PBRM1: variants seen among roughly 807,000 people sequenced by gnomAD.
PBRM1 encodes polybromo 1, also known as protein polybromo-1.
Under a neutral mutation model 194.5 loss-of-function variants are expected in PBRM1, and 27 were observed. The observed-to-expected ratio is 0.14, with a 90% CI of 0.10 to 0.19. The LOEUF (loss-of-function observed/expected upper bound fraction) is 0.19. Ranked by LOEUF, PBRM1 falls within the 10% of genes least tolerant of loss-of-function variation. The pLI is 1.00. For synonymous variants in PBRM1, 655 were observed against 693.2 expected, an observed-to-expected ratio of 0.94 and a Z score of 0.87; for missense variants, 1,466 against 2,077.2, an observed-to-expected ratio of 0.71 and a Z score of 5.72.
chr3:52,627,457 T>G (rs566343584), intron 12 of PBRM1, 87 bp from the exon 14 acceptor site: 4 of 739,080 alleles, frequency 5.4e-6, no homozygotes, highest in Non-Finnish European at 9.3e-6. Context: ...ACATATCAGA[T>G]TCACTCAGAA....
exon 23 of PBRM1, chr3:52,564,070 ATCT>A (rs1196798326): frequency 6.2e-7 from 1 of 1,608,744 alleles, no homozygotes; most frequent in Non-Finnish European, 8.5e-7. Flanking sequence ...AAATTTCATC[ATCT>A]ACCACTTTAG....
At chr3:52,652,782 G>A (rs540807637) in intron 5 of PBRM1, among the ~76,000 whole-genome samples, 1 of 152,208 alleles carries the variant, frequency 6.6e-6, no homozygotes, top group South Asian at 2.1e-4. Flanking sequence ...TGGATCACTT[G>A]AGGTCAGAAG....
intron 11 of PBRM1, among the ~76,000 whole-genome samples, chr3:52,632,082 T>C (rs1449773803): frequency 6.6e-6 from 1 of 152,254 alleles, no homozygotes; most frequent in Non-Finnish European, 1.5e-5. Flanking sequence ...TGAATGCTGC[T>C]GCTGTGAACA....
chr3:52,585,182 T>C (rs1349763225), intron 20 of PBRM1, among the ~76,000 whole-genome samples: 1 of 152,212 alleles, frequency 6.6e-6, no homozygotes. Context: ...AAGACTGAGT[T>C]GCAGTTTTTT....
intron 20 of PBRM1, among the ~76,000 whole-genome samples, chr3:52,584,464 T>C: frequency 7.1e-6 from 1 of 140,468 alleles, no homozygotes; most frequent in East Asian, 2.0e-4. Context: ...TTTTTTTTTT[T>C]TTTTTTTTTT....
At chr3:52,610,918 G>A (rs879942607) in intron 15 of PBRM1, among the ~76,000 whole-genome samples, 52 of 152,226 alleles carry the variant, frequency 3.4e-4, no homozygotes, top group Admixed American at 2.9e-3. Flanking sequence ...TAGCCTGGGC[G>A]ACAGAGCGAG....
At chr3:52,672,222 C>T (rs115665536) in intron 2 of PBRM1, among the ~76,000 whole-genome samples, 133 of 152,292 alleles carry the variant, frequency 8.7e-4, no homozygotes, top group Middle Eastern at 3.4e-3. Context: ...AGCACTACAG[C>T]ATCTTCAAAT....
chr3:52,682,953 G>C (rs1190784847), upstream of PBRM1, among the ~76,000 whole-genome samples: 1 of 151,904 alleles, frequency 6.6e-6, no homozygotes, highest in Non-Finnish European at 1.5e-5. Context: ...TAATCCCAGC[G>C]CTTTGGGAGG....
chr3:52,668,501 A>G (rs2096884534), exon 3 of PBRM1: 8 of 1,594,312 alleles, frequency 5.0e-6, no homozygotes, highest in Non-Finnish European at 6.8e-6. Flanking sequence ...TTCTTACCTT[A>G]TAATAGGACT....
chr3:52,639,722 C>T (rs1305690362), intron 10 of PBRM1, among the ~76,000 whole-genome samples: 1 of 151,832 alleles, frequency 6.6e-6, no homozygotes, highest in Non-Finnish European at 1.5e-5. Flanking sequence ...AGAGGGAGAC[C>T]CTGCCTTAAA....
chr3:52,573,272 A>G (rs10510759), intron 22 of PBRM1, among the ~76,000 whole-genome samples: 11,157 of 151,850 alleles, frequency 0.073, 983 homozygotes, highest in African/African-American at 0.21. Context: ...TGTAGAATGC[A>G]ACACATTTTC....
At chr3:52,612,017 T>C (rs976415442) in intron 15 of PBRM1, among the ~76,000 whole-genome samples, 29 of 151,746 alleles carry the variant, frequency 1.9e-4, no homozygotes, top group Admixed American at 1.3e-4. Flanking sequence ...CCCAGCACTT[T>C]GGGAGGCCGA....
At chr3:52,647,874 T>C (rs2096369528) in intron 7 of PBRM1, among the ~76,000 whole-genome samples, 1 of 151,992 alleles carries the variant, frequency 6.6e-6, no homozygotes, top group Non-Finnish European at 1.5e-5. Context: ...GAGTGATGGC[T>C]GCCCAACTCC....
At chr3:52,680,165 T>TA (rs2097178709), upstream of PBRM1, among the ~76,000 whole-genome samples, 1 of 152,152 alleles carries the variant, frequency 6.6e-6, no homozygotes, top group Non-Finnish European at 1.5e-5. Flanking sequence ...CTATGTGCCT[T>TA]ACAATTATGA....
intron 1 of PBRM1, among the ~76,000 whole-genome samples, chr3:52,679,114 T>C (rs949457117): frequency 6.6e-6 from 1 of 152,242 alleles, no homozygotes; most frequent in African/African-American, 2.4e-5. Context: ...CCCTCTGCAC[T>C]GGTTCTGTCT....
intron 16 of PBRM1, among the ~76,000 whole-genome samples, chr3:52,608,520 A>G (rs1215054966): frequency 6.6e-6 from 1 of 152,172 alleles, no homozygotes; most frequent in African/African-American, 2.4e-5. Flanking sequence ...GCTTTTCTTT[A>G]AAGGTTCAGA....
At chr3:52,621,928 C>G (rs1426682130) in intron 13 of PBRM1, among the ~76,000 whole-genome samples, 3 of 152,126 alleles carry the variant, frequency 2.0e-5, no homozygotes, top group East Asian at 1.9e-4. Context: ...TGCCTGTGAT[C>G]CTAGCTACAC....
chr3:52,556,191 T>C (rs1415005739), intron 26 of PBRM1, among the ~76,000 whole-genome samples: 1 of 152,254 alleles, frequency 6.6e-6, no homozygotes, highest in African/African-American at 2.4e-5. Context: ...TTTAAGGCTA[T>C]GAAATTACTA....
exon 17 of PBRM1, chr3:52,603,725 A>C: frequency 6.2e-7 from 1 of 1,605,758 alleles, no homozygotes; most frequent in Non-Finnish European, 8.5e-7. Context: ...TATATTTCTG[A>C]ATCTGTCCTA....
Sources: allele counts gnomAD v4.1 joint callset (sites outside exome capture counted in the v4.1 genomes callset), GRCh38; gene constraint gnomAD v4.1.1; transcripts MANE v1.5; gene names NCBI Gene and HGNC (gene_info 2026-07-23, HGNC 2026-07-21).